ZC3HC1: variants seen among roughly 807,000 people sequenced by gnomAD.
ZC3HC1 encodes zinc finger C3HC-type protein 1.
A neutral mutation model predicts 61.9 loss-of-function variants in ZC3HC1; 38 were observed. That is an observed-to-expected ratio of 0.61 (90% CI 0.47 to 0.81). The LOEUF (loss-of-function observed/expected upper bound fraction) is 0.81, where lower values mean the gene tolerates loss of function less well. Among genes scored for constraint, ZC3HC1 ranks in the 30% least tolerant of loss-of-function variants. The pLI is 0.00. For missense variants in ZC3HC1, 554 were observed against 622.7 expected, an observed-to-expected ratio of 0.89 and a Z score of 1.17; for synonymous variants, 213 against 229.9, an observed-to-expected ratio of 0.93 and a Z score of 0.67.
Position 130,023,816 on chromosome 7 carries a change from T to C in ZC3HC1, c.1021-93A>G, listed in dbSNP as rs963209377. The C allele has an allele frequency of 1.7e-6, 2 of 1,189,276 alleles. No individual in the cohort carries two copies. Among genetic ancestry groups the C allele is most frequent in the Non-Finnish European group, 2.3e-6 (2 of 865,188 alleles). The allele number at this position is 1,189,276 out of a possible 1,614,324, so 73.7% of individuals were successfully genotyped here. Reference sequence around the variant, plus strand: ...TCTTTAATCTTTTTTCTTTTTTTTTTTGAGACAGAGTCTCGCTTTGTTGCC... The same window carrying C: ...TCTTTAATCTTTTTTCTTTTTTTTTCTGAGACAGAGTCTCGCTTTGTTGCC... On this transcript the variant is annotated intron_variant, in intron 7 of 9. Transcript: ENST00000358303. This position sits in a 1 kb window ranked among gnomAD's most constrained non-coding sequence, Gnocchi z 4.2.
intron 4 of ZC3HC1, among the ~76,000 whole-genome samples, chr7:130,039,013 A>T (rs755436401): frequency 6.6e-6 from 1 of 152,084 alleles, no homozygotes; most frequent in Admixed American, 6.6e-5. Context: ...ACAAGTGAAT[A>T]TAAGTTTTTC....
chr7:130,037,549 G>A (rs1389795373), intron 4 of ZC3HC1, among the ~76,000 whole-genome samples: 3 of 152,122 alleles, frequency 2.0e-5, no homozygotes, highest in African/African-American at 7.2e-5. Context: ...TACAATACAG[G>A]TAAATAACTA....
chr7:130,048,412 G>A (rs1794949569), intron 2 of ZC3HC1, among the ~76,000 whole-genome samples: 1 of 151,902 alleles, frequency 6.6e-6, no homozygotes, highest in Non-Finnish European at 1.5e-5. Flanking sequence ...AACCTTAATT[G>A]CAGTCTGTGA....
Position 130,023,777 on chromosome 7 carries a change from C to A in ZC3HC1, c.1021-54G>T. 7.3e-7 allele frequency: 1 copy of A among 1,361,510 alleles called. No individual in the cohort carries two copies. Among genetic ancestry groups the A allele is most frequent in the Non-Finnish European group, 1.0e-6 (1 of 979,764 alleles). The allele number at this position is 1,361,510 out of a possible 1,614,324, so 84.3% of individuals were successfully genotyped here. On this transcript the variant is annotated intron_variant, in intron 7 of 9. Transcript: ENST00000358303. The surrounding 1 kb of genome is among the most constrained non-coding windows in gnomAD (Gnocchi z 4.2). ...CACGAATGATATTAATGATTATGGT[C>A]AGAAATACTTCTTTCTTTAATCTTT...
At chr7:130,031,337 A>C (rs990208937) in intron 4 of ZC3HC1, among the ~76,000 whole-genome samples, 3 of 151,204 alleles carry the variant, frequency 2.0e-5, no homozygotes, top group African/African-American at 7.3e-5. Context: ...AAAAAAAAAA[A>C]AAAAACAGAA....
chr7:130,029,269 G>A (rs1214468243), intron 4 of ZC3HC1, among the ~76,000 whole-genome samples: 1 of 152,086 alleles, frequency 6.6e-6, no homozygotes, highest in African/African-American at 2.4e-5. Flanking sequence ...AGCTACTCGG[G>A]AGGCTAAGAC....
intron 2 of ZC3HC1, among the ~76,000 whole-genome samples, chr7:130,042,611 G>T (rs575850723): frequency 2.6e-5 from 4 of 152,304 alleles, no homozygotes; most frequent in African/African-American, 9.6e-5. Context: ...AAAAGCATCT[G>T]TAAGTATGTA....
Position 130,018,483 on chromosome 7 carries a change from C to A in ZC3HC1, c.*181G>T, listed in dbSNP as rs569888489. ...CCCTGTCCACATCCCTGAAAGGAAA[C>A]GGGTCTCTCTCAGCCAGATGCAGAT... On this transcript the variant is annotated 3_prime_UTR_variant, in exon 10 of 10. Transcript: ENST00000358303. 7.2e-6 allele frequency: 4 copies of A among 556,460 alleles called. No homozygotes were observed. Among genetic ancestry groups the A allele is most frequent in the Non-Finnish European group, 1.3e-5 (4 of 308,924 alleles). 34.5% of individuals were successfully genotyped at this position (556,460 alleles called of 1,614,324 possible).
At position 130,024,464 on chromosome 7, in the gene ZC3HC1, C is replaced by T. The variant is rs117785128; in HGVS notation, c.819G>A (p.Ser273=). 28,431 of 1,613,812 alleles carry T rather than the reference C, an allele frequency of 0.018. 310 individuals carry two copies. The highest frequency in any genetic ancestry group is 0.019 in the Non-Finnish European group (22,779 of 1,179,860). Residue 273 remains serine, a synonymous_variant, in exon 7 of 10, where the codon TCG becomes TCA. Coordinates refer to ENST00000358303, the MANE Select transcript of ZC3HC1 (RefSeq NM_016478.5). ...AGAGCCCCACCTTCCTCATACATTG[C>T]GAACATGTTATCAGGGAGAGCTGCA... ...ESMQLSLITC[S]QCMRKVGLWG... is the part of the protein sequence containing the mutation.
chr7:130,021,837 C>T (rs1207215671), intron 9 of ZC3HC1, among the ~76,000 whole-genome samples: 1 of 152,142 alleles, frequency 6.6e-6, no homozygotes, highest in Non-Finnish European at 1.5e-5. Context: ...GAAAGACGAA[C>T]CGGTTCTATG....
rs1436798226 is a variant in ZC3HC1, at chr7:130,024,490, T to C, written c.793A>G (p.Met265Val). 2.5e-6 allele frequency: 4 copies of C among 1,609,266 alleles called. No individual in the cohort carries two copies. The highest frequency in any genetic ancestry group is 3.4e-6 in the Non-Finnish European group (4 of 1,178,176). ...GAACATGTTATCAGGGAGAGCTGCA[T>C]GGATTCCAAAGAGGAACTAGATAGG... ...GWACSSSLESMQLSLITCSQC... is the reference protein window; with the variant it reads ...GWACSSSLESVQLSLITCSQC... Residue 265 changes from methionine to valine, a missense_variant, in exon 7 of 10, where the codon ATG (methionine) becomes GTG (valine). Met to Val is a conservative substitution (Grantham distance 21). Coordinates refer to ENST00000358303, the MANE Select transcript of ZC3HC1 (RefSeq NM_016478.5).
At chr7:130,041,588 A>C (rs1794676057) in intron 2 of ZC3HC1, among the ~76,000 whole-genome samples, 1 of 147,230 alleles carries the variant, frequency 6.8e-6, no homozygotes, top group Non-Finnish European at 1.5e-5. Context: ...ACAATGGCAC[A>C]GTCTCGGCTC....
At position 130,029,000 on chromosome 7, in the gene ZC3HC1, G is replaced by T. The variant is rs768089193; in HGVS notation, c.523C>A (p.Pro175Thr). 6 of 1,613,554 alleles carry T rather than the reference G, an allele frequency of 3.7e-6. No individual in the cohort carries two copies. Among genetic ancestry groups the T allele is most frequent in the Non-Finnish European group, 5.1e-6 (6 of 1,179,648 alleles). The stretch of plus-strand genomic sequence containing the variant: ...AGGAATTCACTAACAAGAATAGCAG[G>T]CTCATCCAGGGGCAACATCCCAAAT... ...DRFGMLPLDEPAILVSEFLDR... is the reference protein window; with the variant it reads ...DRFGMLPLDETAILVSEFLDR... Residue 175 changes from proline (P) to threonine (T), a missense_variant, in exon 5 of 10, where the codon CCT (proline) becomes ACT (threonine). Transcript: ENST00000358303.
At position 130,023,272 on chromosome 7, in the gene ZC3HC1, C is replaced by G. The variant is rs897167465; in HGVS notation, c.1233+239G>C. Among the ~76,000 whole-genome samples the G allele has an allele frequency of 6.6e-6, 1 of 152,098 alleles. No homozygotes were observed. The highest frequency in any genetic ancestry group is 2.4e-5 in the African/African-American group (1 of 41,406). Reference sequence around the variant, plus strand: ...GATCAGGTTTGTCCCTGTATCACACCGTTGTTCCATTTGCCTGAAATATCT... The same window carrying G: ...GATCAGGTTTGTCCCTGTATCACACGGTTGTTCCATTTGCCTGAAATATCT... On this transcript the variant is annotated intron_variant, in intron 8 of 9. Coordinates refer to ENST00000358303, the MANE Select transcript of ZC3HC1 (RefSeq NM_016478.5). The surrounding 1 kb of genome is among the most constrained non-coding windows in gnomAD (Gnocchi z 4.2).
At chr7:130,025,460 C>T (rs1021785141) in intron 6 of ZC3HC1, among the ~76,000 whole-genome samples, 3 of 151,644 alleles carry the variant, frequency 2.0e-5, no homozygotes, top group African/African-American at 4.8e-5. Flanking sequence ...ATCAATTAAG[C>T]GGATTTTTCT....
intron 2 of ZC3HC1, among the ~76,000 whole-genome samples, chr7:130,044,770 A>G (rs922664603): frequency 6.6e-6 from 1 of 152,216 alleles, no homozygotes; most frequent in Non-Finnish European, 1.5e-5. Context: ...GATCATCACC[A>G]TAAAGGGATA....
At chr7:130,028,759 G>A in intron 5 of ZC3HC1, 143 bp downstream of exon 5, 2 of 1,112,872 alleles carry the variant, frequency 1.8e-6, no homozygotes, top group Non-Finnish European at 2.5e-6. Context: ...CACCTTCCTG[G>A]TGGAGACTGA....
At chr7:130,042,269 C>T (rs1194002643) in intron 2 of ZC3HC1, among the ~76,000 whole-genome samples, 1 of 149,480 alleles carries the variant, frequency 6.7e-6, no homozygotes, top group Non-Finnish European at 1.5e-5. Context: ...CACCACTGCC[C>T]TCTAGCCTGG....
At chr7:130,032,621 G>T (rs1209801449) in intron 4 of ZC3HC1, among the ~76,000 whole-genome samples, 1 of 149,406 alleles carries the variant, frequency 6.7e-6, no homozygotes, top group Non-Finnish European at 1.5e-5. Flanking sequence ...ACTGTAGCCT[G>T]GGAGAGAGAG....
Sources: gnomAD v4.1 joint callset for allele counts (sites outside exome capture counted in the v4.1 genomes callset) on GRCh38, gnomAD v4.1.1 for gene constraint, Gnocchi (gnomAD v3.1) non-coding constraint, MANE v1.5 for transcripts, NCBI Gene and HGNC (gene_info 2026-07-23, HGNC 2026-07-21) for gene names.